The following AKAP19 variants were observed in gnomAD, a reference collection of about 807,000 sequenced individuals.
AKAP19 encodes the protein small A-kinase anchoring protein.
At chr2:190,120,901 T>C in the AKAP19 span, among the ~76,000 whole-genome samples, 139 of 152,262 alleles carry the variant, frequency 9.1e-4, no homozygotes, top group Middle Eastern at 6.8e-3. Context: ...TTAAAAGAAG[T>C]GGTGCATGTC....
At chr2:190,065,212 C>T in the AKAP19 span, among the ~76,000 whole-genome samples, 7 of 152,148 alleles carry the variant, frequency 4.6e-5, no homozygotes, top group South Asian at 4.1e-4. Context: ...ATAGTGCTGA[C>T]GTGCTGCGTG....
chr2:190,005,715 G>C, the AKAP19 span, among the ~76,000 whole-genome samples: 3 of 152,154 alleles, frequency 2.0e-5, no homozygotes, highest in African/African-American at 7.2e-5. Flanking sequence ...CATGGGGTTG[G>C]GAGTGTCCTT....
chr2:190,066,254 G>A, the AKAP19 span, among the ~76,000 whole-genome samples: 1 of 152,008 alleles, frequency 6.6e-6, no homozygotes. Flanking sequence ...TCTCATCTCT[G>A]TTACAAATAC....
chr2:190,173,268 C>T, the AKAP19 span, among the ~76,000 whole-genome samples: 1 of 152,118 alleles, frequency 6.6e-6, no homozygotes, highest in African/African-American at 2.4e-5. Context: ...AGTGAAATAT[C>T]ACAAACCATA....
At chr2:190,113,908 T>C in the AKAP19 span, among the ~76,000 whole-genome samples, 1 of 152,216 alleles carries the variant, frequency 6.6e-6, no homozygotes. Flanking sequence ...GCTCTCTTTT[T>C]AAAGGAAACT....
the AKAP19 span, among the ~76,000 whole-genome samples, chr2:190,186,491 C>T: frequency 2.6e-5 from 4 of 152,176 alleles, no homozygotes; most frequent in Non-Finnish European, 5.9e-5. The surrounding 1 kb of genome is among the most constrained non-coding windows in gnomAD (Gnocchi z 5.5). Context: ...AGGATGAAAC[C>T]GACTTCTCAG....
the AKAP19 span, among the ~76,000 whole-genome samples, chr2:189,983,066 C>T: frequency 1.6e-4 from 24 of 152,190 alleles, no homozygotes; most frequent in Non-Finnish European, 3.1e-4. Context: ...TTGGGGCTGA[C>T]GGGTGGAAAG....
At chr2:190,097,629 G>A in the AKAP19 span, among the ~76,000 whole-genome samples, 7 of 152,108 alleles carry the variant, frequency 4.6e-5, no homozygotes, top group African/African-American at 7.2e-5. Context: ...TTAAGTTTAC[G>A]GAATGTTCTA....
chr2:189,975,764 G>GATCGACCCTTTCTACTCAT, the AKAP19 span, among the ~76,000 whole-genome samples: 1 of 152,130 alleles, frequency 6.6e-6, no homozygotes, highest in African/African-American at 2.4e-5. Context: ...CTTTCTTCCA[G>GATCGACCCTTTCTACTCAT]TTGATCGAAT....
the AKAP19 span, among the ~76,000 whole-genome samples, chr2:190,029,420 A>G: frequency 6.6e-6 from 1 of 152,160 alleles, no homozygotes; most frequent in Non-Finnish European, 1.5e-5. Context: ...TATTCAAGAA[A>G]TCTATTAAAC....
chr2:190,176,435 C>T, the AKAP19 span, among the ~76,000 whole-genome samples: 1 of 151,814 alleles, frequency 6.6e-6, no homozygotes, highest in East Asian at 1.9e-4. This position sits in a 1 kb window ranked among gnomAD's most constrained non-coding sequence, Gnocchi z 4.7. Flanking sequence ...GCAACCTCCA[C>T]CTCCCAGGTT....
chr2:189,961,874 T>C, the AKAP19 span, among the ~76,000 whole-genome samples: 1 of 150,904 alleles, frequency 6.6e-6, no homozygotes, highest in East Asian at 1.9e-4. Context: ...ATCACACCAC[T>C]GCACTCTAGC....
At chr2:189,919,004 A>G in the AKAP19 span, among the ~76,000 whole-genome samples, 2 of 152,222 alleles carry the variant, frequency 1.3e-5, no homozygotes, top group South Asian at 2.1e-4. Flanking sequence ...GTCCAAAAAT[A>G]TTAAATAGAA....
chr2:190,004,350 G>T, the AKAP19 span, among the ~76,000 whole-genome samples: 2 of 152,078 alleles, frequency 1.3e-5, no homozygotes, highest in East Asian at 1.9e-4. Context: ...AAATATGTCA[G>T]ATATTATCTG....
At chr2:190,111,203 A>G in the AKAP19 span, among the ~76,000 whole-genome samples, 2 of 152,172 alleles carry the variant, frequency 1.3e-5, no homozygotes, top group Non-Finnish European at 2.9e-5. Context: ...CATAGGATCT[A>G]CCAGGTGCCC....
the AKAP19 span, among the ~76,000 whole-genome samples, chr2:190,137,514 C>T: frequency 6.6e-6 from 1 of 152,198 alleles, no homozygotes; most frequent in African/African-American, 2.4e-5. Flanking sequence ...CTCCAAAGCA[C>T]TCCTAGACCT....
chr2:189,967,531 A>C, the AKAP19 span, among the ~76,000 whole-genome samples: 46 of 152,236 alleles, frequency 3.0e-4, no homozygotes, highest in Non-Finnish European at 5.1e-4. Flanking sequence ...TTCTTCAAAA[A>C]CAAGGGTGAA....
the AKAP19 span, among the ~76,000 whole-genome samples, chr2:189,908,636 T>C: frequency 6.6e-6 from 1 of 152,360 alleles, no homozygotes; most frequent in South Asian, 2.1e-4. Context: ...GAGCATGTAA[T>C]TTAATGTCCA....
At chr2:190,070,732 A>T in the AKAP19 span, among the ~76,000 whole-genome samples, 1 of 151,966 alleles carries the variant, frequency 6.6e-6, no homozygotes, top group African/African-American at 2.4e-5. Context: ...TTTAGATGAC[A>T]CATGAATTTA....
Sources: gnomAD v4.1 joint callset for allele counts (sites outside exome capture counted in the v4.1 genomes callset) on GRCh38, gnomAD v4.1.1 for gene constraint, Gnocchi (gnomAD v3.1) non-coding constraint, MANE v1.5 for transcripts, NCBI Gene and HGNC (gene_info 2026-07-23, HGNC 2026-07-21) for gene names.